The following CSMD1 variants were observed in gnomAD, a reference collection of about 807,000 sequenced individuals.
CSMD1 encodes the protein CUB and sushi domain-containing protein 1.
A neutral mutation model predicts 417.5 loss-of-function variants in CSMD1; 213 were observed. The observed-to-expected ratio is 0.51, with a 90% CI of 0.46 to 0.57. The LOEUF (loss-of-function observed/expected upper bound fraction) is 0.57. Among genes scored for constraint, CSMD1 ranks in the 20% least tolerant of loss-of-function variants. The pLI is 0.00. For missense variants in CSMD1, 6,923 were observed against 4,529.7 expected (o/e 1.53, Z -15.17); for synonymous variants, 2,862 against 1,736.8 (o/e 1.65, Z -16.11).
At position 3,284,177 on chromosome 8, in the gene CSMD1, T is replaced by TGAA. The variant is rs1391359333; in HGVS notation, c.4117_4119dup (p.Phe1373dup). 1.3e-6 allele frequency: 2 copies of TGAA among 1,586,774 alleles called. No homozygotes were observed. Among genetic ancestry groups the TGAA allele is most frequent in the Non-Finnish European group, 1.7e-6 (2 of 1,166,872 alleles). On this transcript the variant is annotated inframe_insertion, in exon 26 of 70. Transcript: ENST00000635120. ...TGGATGGAGAAGCCAGACTTGCTGATGAAGAAGTCGCTGTCGAACTGCAGG... is the reference window on the plus strand; with the variant it reads ...TGGATGGAGAAGCCAGACTTGCTGATGAAGAAGAAGTCGCTGTCGAACTGCAGG...
intron 5 of CSMD1, among the ~76,000 whole-genome samples, chr8:3,921,161 G>A (rs1352216108): frequency 1.3e-5 from 2 of 152,048 alleles, no homozygotes; most frequent in African/African-American, 4.8e-5. Context: ...GACCCTTTGA[G>A]ATTTTCTGTT....
intron 5 of CSMD1, among the ~76,000 whole-genome samples, chr8:3,892,220 A>C (rs1044267723): frequency 2.6e-5 from 4 of 152,216 alleles, no homozygotes; most frequent in African/African-American, 4.8e-5. Context: ...GGTTAAATTA[A>C]AGTGCTGAGG....
chr8:4,862,955 C>G (rs912443061), intron 1 of CSMD1, among the ~76,000 whole-genome samples: 1 of 151,914 alleles, frequency 6.6e-6, no homozygotes, highest in African/African-American at 2.4e-5. Context: ...ATAATGGCCA[C>G]AAAGCCAAGT....
Position 3,108,677 on chromosome 8 carries a change from C to G in CSMD1, c.6680G>C (p.Ser2227Thr), listed in dbSNP as rs762603635. Residue 2227 changes from serine to threonine, a missense_variant, in exon 44 of 70, where the codon AGC (serine) becomes ACC (threonine). Physicochemically the swap from Ser to Thr is moderately conservative, Grantham distance 58. Coordinates refer to ENST00000635120, the MANE Select transcript of CSMD1 (RefSeq NM_033225.6). ...SGNTALETAY[S>T]STNQVLLKFH... ...CTTGAGCAGGACTTGGTTGGTGGAG[C>G]TATACGCCGTTTCGAGGGCTGTGTT... 2.5e-6 allele frequency: 4 copies of G among 1,613,696 alleles called. No homozygotes were observed. The South Asian group carries it at 3.3e-5, about 13-fold the overall frequency.
chr8:3,564,317 G>A (rs984280826), intron 10 of CSMD1, among the ~76,000 whole-genome samples: 1 of 132,790 alleles, frequency 7.5e-6, no homozygotes, highest in African/African-American at 3.0e-5. Context: ...TTTTCTCCCA[G>A]GATGTTTTTT....
chr8:4,316,114 ACCCTC>A (rs1798912842), intron 3 of CSMD1, among the ~76,000 whole-genome samples: 1 of 152,162 alleles, frequency 6.6e-6, no homozygotes, highest in African/African-American at 2.4e-5. Flanking sequence ...ATTATTGTTA[ACCCTC>A]TTAACCATTC....
At chr8:3,185,253 T>A (rs947846586) in intron 36 of CSMD1, among the ~76,000 whole-genome samples, 1 of 152,238 alleles carries the variant, frequency 6.6e-6, no homozygotes, top group South Asian at 2.1e-4. Context: ...GTGGTATTTA[T>A]GTCAAACATA....
At chr8:4,516,071 C>T (rs948122859) in intron 2 of CSMD1, among the ~76,000 whole-genome samples, 1 of 152,090 alleles carries the variant, frequency 6.6e-6, no homozygotes, top group African/African-American at 2.4e-5. Context: ...GAAATCTCAA[C>T]CCCAGGTGCC....
intron 2 of CSMD1, among the ~76,000 whole-genome samples, chr8:4,576,222 G>T (rs1024061806): frequency 6.6e-6 from 1 of 152,198 alleles, no homozygotes; most frequent in African/African-American, 2.4e-5. Context: ...TCCCCACCTC[G>T]TCTTCTGAAT....
At chr8:3,500,354 C>T (rs1429216149) in intron 10 of CSMD1, among the ~76,000 whole-genome samples, 7 of 152,058 alleles carry the variant, frequency 4.6e-5, no homozygotes, top group African/African-American at 1.2e-4. Context: ...CTAGATGGTA[C>T]GTCAAGCCAC....
chr8:3,846,505 G>T (rs11783347), intron 5 of CSMD1, among the ~76,000 whole-genome samples: 1 of 152,002 alleles, frequency 6.6e-6, no homozygotes, highest in Non-Finnish European at 1.5e-5. Flanking sequence ...GATAAGCATA[G>T]AAAGTATTTC....
chr8:3,318,730 C>T (rs1325693771), intron 23 of CSMD1, among the ~76,000 whole-genome samples: 2 of 152,072 alleles, frequency 1.3e-5, no homozygotes, highest in South Asian at 2.1e-4. Flanking sequence ...AGTTCCCTAG[C>T]TGGAGTGTCA....
chr8:3,433,760 T>C (rs1308976576), intron 12 of CSMD1, among the ~76,000 whole-genome samples: 1 of 152,228 alleles, frequency 6.6e-6, no homozygotes, highest in Non-Finnish European at 1.5e-5. Context: ...TTGACTTTTA[T>C]TTCCCTACGT....
chr8:4,042,539 A>T (rs1433507477), intron 3 of CSMD1, among the ~76,000 whole-genome samples: 1 of 152,124 alleles, frequency 6.6e-6, no homozygotes, highest in Non-Finnish European at 1.5e-5. Context: ...TACCACAAGG[A>T]ATATTAAAAT....
intron 41 of CSMD1, among the ~76,000 whole-genome samples, chr8:3,123,297 C>G (rs1817313483): frequency 1.3e-5 from 2 of 152,168 alleles, no homozygotes; most frequent in African/African-American, 4.8e-5. Flanking sequence ...CCACTCCAGG[C>G]TGAAGTCCAC....
intron 49 of CSMD1, among the ~76,000 whole-genome samples, chr8:3,074,449 G>A (rs1171833624): frequency 6.6e-6 from 1 of 152,176 alleles, no homozygotes; most frequent in Non-Finnish European, 1.5e-5. Flanking sequence ...CTCCTCTTAG[G>A]ATTCTACCTT....
intron 1 of CSMD1, among the ~76,000 whole-genome samples, chr8:4,780,236 T>C (rs1219861763): frequency 6.6e-6 from 1 of 152,238 alleles, no homozygotes; most frequent in Admixed American, 6.5e-5. Context: ...CCTTTATTTA[T>C]GACTGCCCTG....
intron 5 of CSMD1, among the ~76,000 whole-genome samples, chr8:3,774,171 G>A (rs1012472247): frequency 2.0e-5 from 3 of 152,116 alleles, no homozygotes; most frequent in Admixed American, 6.5e-5. Flanking sequence ...AAAGCCTTTT[G>A]TGACCTGCAC....
chr8:3,488,730 A>G lies in CSMD1; in HGVS notation c.1448+4893T>C, dbSNP rs148389676. ...GATAAGAGGCCGGGAAAGAAAAGCT[A>G]ACAATGGATAGACTTCAAGTCAAGA... On this transcript the variant is annotated intron_variant, in intron 11 of 69. Transcript: ENST00000635120. Among the ~76,000 whole-genome samples the G allele has an allele frequency of 5.8e-3, 890 of 152,290 alleles. 10 individuals carry two copies. Among genetic ancestry groups the G allele is most frequent in the African/African-American group, 0.02 (811 of 41,576 alleles).
Sources: allele counts gnomAD v4.1 joint callset (sites outside exome capture counted in the v4.1 genomes callset), GRCh38; gene constraint gnomAD v4.1.1; transcripts MANE v1.5; gene names NCBI Gene and HGNC (gene_info 2026-07-23, HGNC 2026-07-21).